Variants in CMTM7 observed in about 807,000 individuals in gnomAD.
CMTM7 encodes CKLF like MARVEL transmembrane domain containing 7.
CMTM7 carries 7 observed loss-of-function variants against 19.3 expected under a neutral mutation model. The observed-to-expected ratio is 0.36, with a 90% CI of 0.21 to 0.68. The LOEUF is 0.68. Ranked by LOEUF, CMTM7 falls within the 30% of genes least tolerant of loss-of-function variation. The pLI is 0.60. For missense variants in CMTM7, 193 were observed against 232.6 expected (o/e 0.83, Z 1.11); for synonymous variants, 87 against 99.3 (o/e 0.88, Z 0.74).
chr3:32,443,341 CAATCCT>C (rs1394431901), intron 2 of CMTM7, among the ~76,000 whole-genome samples: 3 of 152,024 alleles, frequency 2.0e-5, no homozygotes, highest in African/African-American at 7.2e-5. Context: ...TGGCCTTAAG[CAATCCT>C]CCCACTTTGG....
intron 1 of CMTM7, among the ~76,000 whole-genome samples, chr3:32,427,503 G>A (rs900361936): frequency 2.0e-5 from 3 of 152,146 alleles, no homozygotes; most frequent in African/African-American, 7.2e-5. Flanking sequence ...GTCTGGGACT[G>A]TATAATACCA....
chr3:32,399,248 T>G (rs2125618692), intron 1 of CMTM7, among the ~76,000 whole-genome samples: 1 of 151,154 alleles, frequency 6.6e-6, no homozygotes, highest in Admixed American at 6.6e-5. Flanking sequence ...ATTTTGGAAT[T>G]TTATGGAACC....
intron 1 of CMTM7, among the ~76,000 whole-genome samples, chr3:32,393,039 T>C (rs1695863692): frequency 6.6e-6 from 1 of 152,034 alleles, no homozygotes; most frequent in Non-Finnish European, 1.5e-5. Context: ...GCGGTAAGTT[T>C]CAAAAAGAGG....
chr3:32,402,076 A>G (rs752389864), intron 1 of CMTM7, among the ~76,000 whole-genome samples: 112 of 152,202 alleles, frequency 7.4e-4, no homozygotes, highest in Non-Finnish European at 1.4e-3. Context: ...TACTTTAAGC[A>G]AAGGTTTTGT....
rs1041734043 is a variant in CMTM7, at chr3:32,454,919, G to A, written c.*665G>A. On this transcript the variant is annotated 3_prime_UTR_variant, in exon 5 of 5. Coordinates refer to ENST00000334983, the MANE Select transcript of CMTM7 (RefSeq NM_138410.4). ...CAGTTTCCATTCGAGCTTGTGTCTG[G>A]CCCATGGCCCTCCACCCGTGCTCTG... The A allele has an allele frequency of 5.3e-5, 10 of 187,340 alleles. No homozygotes were observed. Among genetic ancestry groups the A allele is most frequent in the African/African-American group, 2.1e-4 (9 of 42,178 alleles). 11.6% of individuals were successfully genotyped at this position (187,340 alleles called of 1,614,324 possible).
chr3:32,452,348 A>G (rs768270810), intron 3 of CMTM7, 44 bp from the exon 4 acceptor site: 1 of 1,614,006 alleles, frequency 6.2e-7, no homozygotes, highest in East Asian at 2.2e-5. Flanking sequence ...CCGAGTAATT[A>G]GCCCTATGGC....
At chr3:32,424,018 A>G (rs1195184243) in intron 1 of CMTM7, among the ~76,000 whole-genome samples, 1 of 152,190 alleles carries the variant, frequency 6.6e-6, no homozygotes, top group Admixed American at 6.5e-5. Context: ...CAAAAATTTA[A>G]TGGTGTAAAA....
At chr3:32,400,279 C>A (rs543901942) in intron 1 of CMTM7, among the ~76,000 whole-genome samples, 2 of 152,128 alleles carry the variant, frequency 1.3e-5, no homozygotes, top group African/African-American at 4.8e-5. Context: ...CTTGGCCTCG[C>A]AAAGTGCTAG....
intron 1 of CMTM7, among the ~76,000 whole-genome samples, chr3:32,392,391 T>A (rs987750713): frequency 1.3e-5 from 2 of 152,186 alleles, no homozygotes; most frequent in African/African-American, 4.8e-5. Context: ...TTCCTTTTCG[T>A]CTTTCTTCCT....
intron 2 of CMTM7, among the ~76,000 whole-genome samples, chr3:32,444,561 T>A (rs1380874146): frequency 6.6e-6 from 1 of 152,248 alleles, no homozygotes; most frequent in Non-Finnish European, 1.5e-5. Flanking sequence ...AATTTTAGAA[T>A]CGGGTTTTCA....
intron 1 of CMTM7, among the ~76,000 whole-genome samples, chr3:32,415,131 C>A (rs1696240702): frequency 6.6e-6 from 1 of 152,048 alleles, no homozygotes; most frequent in Non-Finnish European, 1.5e-5. Flanking sequence ...ATTAAAAACT[C>A]CTCTGGCTGA....
chr3:32,411,101 GC>G (rs1387224017), intron 1 of CMTM7, among the ~76,000 whole-genome samples: 1 of 152,204 alleles, frequency 6.6e-6, no homozygotes, highest in Non-Finnish European at 1.5e-5. Context: ...CTCTGTGTCA[GC>G]CGCAGGGGAT....
chr3:32,392,654 T>A (rs768332815), intron 1 of CMTM7, among the ~76,000 whole-genome samples: 104 of 152,184 alleles, frequency 6.8e-4, no homozygotes, highest in Non-Finnish European at 1.2e-3. Context: ...CGCCCTCAAG[T>A]TCCGAGGGAG....
At chr3:32,434,979 CTG>C (rs1696575003) in intron 1 of CMTM7, among the ~76,000 whole-genome samples, 1 of 152,180 alleles carries the variant, frequency 6.6e-6, no homozygotes, top group African/African-American at 2.4e-5. Flanking sequence ...TACTGTTAAT[CTG>C]TGTTGGCAAG....
intron 3 of CMTM7, chr3:32,451,744 G>A (rs367828580): frequency 5.0e-5 from 11 of 219,648 alleles, no homozygotes; most frequent in Non-Finnish European, 8.2e-5. Context: ...GGCACTCTTC[G>A]TCTCCCAGCA....
intron 1 of CMTM7, among the ~76,000 whole-genome samples, chr3:32,431,996 C>T (rs1336145875): frequency 6.6e-6 from 1 of 152,222 alleles, no homozygotes; most frequent in Non-Finnish European, 1.5e-5. Flanking sequence ...TGGGTACAAG[C>T]TCAAACCACC....
intron 2 of CMTM7, among the ~76,000 whole-genome samples, chr3:32,443,128 T>C (rs930041304): frequency 6.6e-6 from 1 of 152,210 alleles, no homozygotes; most frequent in Non-Finnish European, 1.5e-5. Context: ...AGACAGGGTC[T>C]CACTCTGTCA....
rs1050523163 is a variant in CMTM7 at position 32,391,949 on chromosome 3, G to A, written c.43G>A (p.Gly15Ser). Residue 15 changes from glycine (G) to serine (S), a missense_variant, in exon 1 of 5, where the codon GGC becomes AGC. Coordinates refer to ENST00000334983, the MANE Select transcript of CMTM7 (RefSeq NM_138410.4). ...AGLVRTTCSS[G>S]SALGPGAGAA... is the part of the protein sequence containing the mutation. Reference sequence around the variant, plus strand: ...GCTCGTCCGCACCACGTGCAGCAGCGGCAGCGCGCTCGGACCCGGGGCCGG... The same window carrying A: ...GCTCGTCCGCACCACGTGCAGCAGCAGCAGCGCGCTCGGACCCGGGGCCGG... 2.4e-6 allele frequency: 3 copies of A among 1,229,790 alleles called. No homozygotes were observed. Among genetic ancestry groups the A allele is most frequent in the African/African-American group, 1.6e-5 (1 of 64,164 alleles). The allele number at this position is 1,229,790 out of a possible 1,614,324, so 76.2% of individuals were successfully genotyped here.
At chr3:32,394,933 A>G (rs1695892706) in intron 1 of CMTM7, among the ~76,000 whole-genome samples, 3 of 150,930 alleles carry the variant, frequency 2.0e-5, no homozygotes, top group Admixed American at 2.0e-4. Context: ...TGACCTCATG[A>G]TCCGCCCCCG....
Sources: gnomAD v4.1 joint callset for allele counts (sites outside exome capture counted in the v4.1 genomes callset) on GRCh38, gnomAD v4.1.1 for gene constraint, MANE v1.5 for transcripts, NCBI Gene and HGNC (gene_info 2026-07-23, HGNC 2026-07-21) for gene names.